The following VAV1 variants were observed in gnomAD, a reference collection of about 807,000 sequenced individuals.
VAV1 encodes vav guanine nucleotide exchange factor 1, also known as proto-oncogene vav.
Under a neutral mutation model 128.1 loss-of-function variants are expected in VAV1, and 33 were observed. That is an observed-to-expected ratio of 0.26 (90% CI 0.20 to 0.34). VAV1 has a LOEUF of 0.34. Ranked by LOEUF, VAV1 falls within the 10% of genes least tolerant of loss-of-function variation. The pLI is 1.00. For missense variants in VAV1, 715 were observed against 1,093.7 expected (o/e 0.65, Z 4.88); for synonymous variants, 394 against 409.8 (o/e 0.96, Z 0.47).
At chr19:6,797,484 T>A (rs1375221646) in intron 1 of VAV1, among the ~76,000 whole-genome samples, 11 of 151,772 alleles carry the variant, frequency 7.2e-5, no homozygotes, top group Admixed American at 7.2e-4. Flanking sequence ...GGGCGGATCA[T>A]CTGAGGTTGG....
chr19:6,808,543 G>T (rs1182446453), intron 1 of VAV1, among the ~76,000 whole-genome samples: 1 of 152,154 alleles, frequency 6.6e-6, no homozygotes, highest in Non-Finnish European at 1.5e-5. Context: ...CAATGTCAAA[G>T]ACCAGCTCCT....
chr19:6,780,749 T>A (rs1970752420), intron 1 of VAV1, among the ~76,000 whole-genome samples: 1 of 149,306 alleles, frequency 6.7e-6, no homozygotes. Flanking sequence ...TTTTTTTGTA[T>A]TTTTAGTAGA....
intron 1 of VAV1, among the ~76,000 whole-genome samples, chr19:6,798,131 G>C (rs1046603471): frequency 6.6e-5 from 10 of 151,922 alleles, no homozygotes; most frequent in African/African-American, 2.4e-4. Flanking sequence ...ACAGAAATTA[G>C]CCAGGCATGG....
intron 1 of VAV1, among the ~76,000 whole-genome samples, chr19:6,802,548 G>A (rs1246488628): frequency 2.0e-5 from 3 of 152,064 alleles, no homozygotes; most frequent in African/African-American, 7.2e-5. Flanking sequence ...ATGACTGGAA[G>A]GAAGCTGTCT....
At chr19:6,806,763 G>T (rs1179208826) in intron 1 of VAV1, among the ~76,000 whole-genome samples, 1 of 152,224 alleles carries the variant, frequency 6.6e-6, no homozygotes, top group Non-Finnish European at 1.5e-5. Context: ...TGGAACTGGG[G>T]GTGGAGCCCC....
At chr19:6,812,980 A>G (rs1171466461) in intron 1 of VAV1, among the ~76,000 whole-genome samples, 5 of 152,248 alleles carry the variant, frequency 3.3e-5, no homozygotes, top group Non-Finnish European at 5.9e-5. Context: ...TTACAACAAC[A>G]TGACACAGTA....
chr19:6,808,557 G>A (rs1469716339), intron 1 of VAV1, among the ~76,000 whole-genome samples: 3 of 152,170 alleles, frequency 2.0e-5, no homozygotes, highest in Non-Finnish European at 4.4e-5. Flanking sequence ...AGCTCCTCCT[G>A]TTCTGTTCTT....
intron 1 of VAV1, among the ~76,000 whole-genome samples, chr19:6,800,565 G>A (rs541460411): frequency 3.3e-5 from 5 of 151,294 alleles, no homozygotes; most frequent in East Asian, 2.0e-4. Flanking sequence ...CCACCTCAGC[G>A]TCCCAAAGTG....
At chr19:6,816,273 G>C (rs1384026160) in intron 1 of VAV1, among the ~76,000 whole-genome samples, 3 of 151,936 alleles carry the variant, frequency 2.0e-5, no homozygotes, top group Non-Finnish European at 4.4e-5. Context: ...GCCCTCCTCG[G>C]CTTCCCAAAA....
intron 1 of VAV1, among the ~76,000 whole-genome samples, chr19:6,814,841 CT>C (rs1971611290): frequency 1.3e-5 from 2 of 151,484 alleles, no homozygotes; most frequent in Admixed American, 1.3e-4. Context: ...CAAAGGGAAT[CT>C]TTTCAACATC....
intron 1 of VAV1, among the ~76,000 whole-genome samples, chr19:6,780,157 T>TAAC (rs1555697928): frequency 4.8e-4 from 64 of 132,334 alleles, no homozygotes; most frequent in East Asian, 1.5e-3. Context: ...ATAATAATAA[T>TAAC]AACCTCATCC....
chr19:6,784,189 T>C, intron 1 of VAV1: 1 of 621,926 alleles, frequency 1.6e-6, no homozygotes, highest in South Asian at 1.9e-5. Context: ...AGGAGTTTGA[T>C]GCTGCAGTGA....
At position 6,854,015 on chromosome 19, in the gene VAV1, C is replaced by T; in HGVS notation, c.2401C>T (p.Leu801=). 1 of 1,613,962 alleles carries T rather than the reference C, an allele frequency of 6.2e-7. No individual in the cohort carries two copies. Among genetic ancestry groups the T allele is most frequent in the South Asian group, 1.1e-5 (1 of 91,078 alleles). ...YDFCARDRSE[L]SLKEGDIIKI... is the part of the protein sequence containing the mutation. ...CTTCTGCGCCCGAGACCGATCAGAG[C>T]TGTCGCTCAAGGAGGGTGACATCAT... Residue 801 remains leucine (L), a synonymous_variant, in exon 26 of 27, where the codon CTG becomes TTG. Transcript: ENST00000602142.
intron 1 of VAV1, among the ~76,000 whole-genome samples, chr19:6,779,977 T>G (rs544901): frequency 0.32 from 46,493 of 147,468 alleles, 9,381 homozygotes; most frequent in African/African-American, 0.5. Context: ...CGGGCGTGGT[T>G]GCGGGCGCCT....
chr19:6,811,072 GT>G (rs958491997), intron 1 of VAV1, among the ~76,000 whole-genome samples: 2 of 152,134 alleles, frequency 1.3e-5, no homozygotes, highest in African/African-American at 4.8e-5. Context: ...GTCTTGCTCT[GT>G]TGCCCAGGCT....
intron 6 of VAV1, among the ~76,000 whole-genome samples, chr19:6,824,347 G>A (rs746205153): frequency 6.6e-6 from 1 of 152,038 alleles, no homozygotes; most frequent in Non-Finnish European, 1.5e-5. Flanking sequence ...GAGCTTACTC[G>A]CTGTCTCTGT....
chr19:6,801,969 C>T (rs896317993), intron 1 of VAV1, among the ~76,000 whole-genome samples: 5 of 152,144 alleles, frequency 3.3e-5, no homozygotes, highest in African/African-American at 9.7e-5. Flanking sequence ...GTGCCCGCCT[C>T]TTCCTGGAGG....
chr19:6,810,697 C>T (rs1035517004), intron 1 of VAV1, among the ~76,000 whole-genome samples: 1 of 149,986 alleles, frequency 6.7e-6, no homozygotes. Flanking sequence ...AAGAGTGAAA[C>T]GTTATCTCAA....
chr19:6,794,777 A>G (rs1444227999), intron 1 of VAV1, among the ~76,000 whole-genome samples: 1 of 152,198 alleles, frequency 6.6e-6, no homozygotes, highest in Non-Finnish European at 1.5e-5. Flanking sequence ...TGAGTGATGT[A>G]AGAAAAACAT....
Sources: gnomAD v4.1 joint callset for allele counts (sites outside exome capture counted in the v4.1 genomes callset) on GRCh38, gnomAD v4.1.1 for gene constraint, MANE v1.5 for transcripts, NCBI Gene and HGNC (gene_info 2026-07-23, HGNC 2026-07-21) for gene names.